MAGIX: variants seen among roughly 807,000 people sequenced by gnomAD.
MAGIX encodes the protein MAGI family member, X-linked, also known as PDZ domain-containing protein MAGIX.
A neutral mutation model predicts 10.0 loss-of-function variants in MAGIX; 13 were observed. The observed-to-expected ratio is 1.30, with a 90% CI of 0.84 to 2.06. The LOEUF (loss-of-function observed/expected upper bound fraction) is 2.06. MAGIX is among the 30% of genes most tolerant of loss of function. The probability of loss-of-function intolerance (pLI) is 0.00; values close to 1 mark genes in which losing one functional copy is unlikely to be tolerated. For missense variants in MAGIX, 235 were observed against 245.2 expected (o/e 0.96, Z 0.28); for synonymous variants, 108 against 106.8 (o/e 1.01, Z -0.07).
rs981000792 is a variant in MAGIX at position 49,166,609 on chromosome X, A to T, written c.*210A>T. 3 of 400,104 alleles carry T rather than the reference A, an allele frequency of 7.5e-6. No homozygotes were observed. The African/African-American group carries it at 7.6e-5, about 10-fold the overall frequency. The allele number at this position is 400,104 out of a possible 1,213,427, so 33.0% of individuals were successfully genotyped here. A position where few individuals can be genotyped will look rare whatever the true frequency, so the allele number is the denominator to read the frequency against. ...CTGCGCTTCTGGTTCTGGGAGGGGG[A>T]GGTAATAAAATGGTTCGATCCGGTC... is the stretch of plus-strand genomic sequence containing the variant. On this transcript the variant is annotated 3_prime_UTR_variant, in exon 5 of 5. Coordinates refer to ENST00000616266, the Ensembl canonical transcript of MAGIX.
chrX:49,165,868 G>C (rs1348960755), intron 4 of MAGIX: 5 of 416,437 alleles, frequency 1.2e-5, no homozygotes, highest in Non-Finnish European at 1.7e-5. Context: ...GATTTCTGAG[G>C]GGCATGTTCT....
At chrX:49,166,997 G>A (rs1294097321) in exon 5 of MAGIX, 1 of 113,445 alleles carries the variant, frequency 8.8e-6, no homozygotes, top group Non-Finnish European at 1.9e-5. Context: ...GGGATAGCAA[G>A]GCTAGAAGCC....
intron 2 of MAGIX, 140 bp from the exon 3 acceptor site, chrX:49,164,567 G>A: frequency 3.6e-6 from 2 of 548,494 alleles, no homozygotes; most frequent in South Asian, 2.6e-5. Flanking sequence ...GGGATGGTGC[G>A]TAAATGGTGG....
At chrX:49,168,669 T>G (rs1440907977), downstream of MAGIX, among the ~76,000 whole-genome samples, 3 of 100,727 alleles carry the variant, frequency 3.0e-5, no homozygotes, top group Non-Finnish European at 6.0e-5. Context: ...CCCAACTACT[T>G]GGGACACTGA....
intron 1 of MAGIX, chrX:49,162,853 G>A (rs1329360525): frequency 2.3e-6 from 2 of 876,674 alleles, no homozygotes; most frequent in Admixed American, 4.0e-5. Flanking sequence ...AAAATTCGTA[G>A]CTGGCAGCCC....
exon 5 of MAGIX, chrX:49,166,544 C>A: frequency 2.1e-6 from 1 of 474,708 alleles, no homozygotes; most frequent in Non-Finnish European, 3.4e-6. Flanking sequence ...ACCACACTCC[C>A]CTCGCAGCGT....
intron 2 of MAGIX, chrX:49,164,457 T>C (rs1249371111): frequency 4.4e-6 from 2 of 450,545 alleles, no homozygotes; most frequent in Non-Finnish European, 7.8e-6. Context: ...TAGGAAGGCC[T>C]GGAAGATTAT....
chrX:49,163,978 T>C (rs2065348339), intron 2 of MAGIX, 49 bp downstream of exon 2: 2 of 979,399 alleles, frequency 2.0e-6, no homozygotes, highest in Admixed American at 5.9e-5. Context: ...CGGAGAGGAG[T>C]TGGGTTCAGT....
exon 3 of MAGIX, chrX:49,164,968 G>A: frequency 8.2e-7 from 1 of 1,212,135 alleles, no homozygotes. Context: ...TGTGGAGCTG[G>A]TTCGCGGTTA....
chrX:49,166,330 G>T (rs782632620), exon 5 of MAGIX: 162 of 1,172,475 alleles, frequency 1.4e-4, no homozygotes, highest in Non-Finnish European at 1.9e-4. Context: ...AACGGCTCTC[G>T]CGGGCCCTAG....
At chrX:49,163,389 G>A (rs1232245207) in intron 1 of MAGIX, 3 of 135,835 alleles carry the variant, frequency 2.2e-5, no homozygotes, top group Non-Finnish European at 1.4e-5. Context: ...CTTAGACGGG[G>A]AATTGGGGGT....
chrX:49,167,476 C>T (rs1557098580), exon 5 of MAGIX: 2 of 113,550 alleles, frequency 1.8e-5, no homozygotes, highest in African/African-American at 6.4e-5. Context: ...AAGCTGTGGT[C>T]TGACGGAATG....
chrX:49,162,913 C>T, intron 1 of MAGIX: 4 of 847,901 alleles, frequency 4.7e-6, no homozygotes, highest in Non-Finnish European at 6.3e-6. Flanking sequence ...CAGGGGACGC[C>T]GCGGACCCTA....
exon 5 of MAGIX, chrX:49,166,191 G>A: frequency 1.7e-6 from 2 of 1,211,287 alleles, no homozygotes; most frequent in Non-Finnish European, 2.2e-6. Context: ...AAGAAGACCC[G>A]GGGCAGCCCG....
intron 1 of MAGIX, chrX:49,162,841 T>C: frequency 1.2e-6 from 1 of 803,717 alleles, no homozygotes; most frequent in Non-Finnish European, 1.7e-6. Flanking sequence ...GCCCCAGAGC[T>C]CAAAATTCGT....
exon 3 of MAGIX, chrX:49,164,725 C>G: frequency 2.5e-6 from 3 of 1,211,737 alleles, no homozygotes; most frequent in Non-Finnish European, 3.4e-6. Context: ...GTGCTGGACT[C>G]TGCGGACATA....
Position 49,165,104 on chromosome X carries a change from C to T in MAGIX, c.330+14C>T. On this transcript the variant is annotated intron_variant, in intron 3 of 4. Coordinates refer to ENST00000616266, the Ensembl canonical transcript of MAGIX. Reference sequence around the variant, plus strand: ...GGTCGTTTGGAGGTGAGCCCTGAAGCCCCTTCCACTGGTAGGTGCTATCCC... The same window carrying T: ...GGTCGTTTGGAGGTGAGCCCTGAAGTCCCTTCCACTGGTAGGTGCTATCCC... 1 of 1,201,335 alleles carries T rather than the reference C, an allele frequency of 8.3e-7. No homozygotes were observed. The highest frequency in any genetic ancestry group is 1.1e-6 in the Non-Finnish European group (1 of 887,505).
rs781955914 is a variant in MAGIX at position 49,164,894 on chromosome X, C to T, written c.134C>T (p.Pro45Leu). 3 of 1,212,092 alleles carry T rather than the reference C, an allele frequency of 2.5e-6. No individual in the cohort carries two copies. The South Asian group carries it at 5.3e-5, about 21-fold the overall frequency. The change falls in exon 3 of 5, where the codon CCC (proline) becomes CTC (leucine). Residue 45 changes from proline to leucine, a missense_variant. Pro to Leu is a moderately conservative substitution (Grantham distance 98). Transcript: ENST00000616266. ...TGGTTAGAGACATGTAACGCACCTC[C>T]CCAATTGATCCAGGGTAAGGCACGT...
chrX:49,164,898 A>T (rs201178315), exon 3 of MAGIX: 8 of 1,210,551 alleles, frequency 6.6e-6, no homozygotes, highest in Admixed American at 2.2e-5. Context: ...CACCTCCCCA[A>T]TTGATCCAGG....
Sources: gnomAD v4.1 joint callset for allele counts (sites outside exome capture counted in the v4.1 genomes callset) on GRCh38, gnomAD v4.1.1 for gene constraint, MANE v1.5 for transcripts, NCBI Gene and HGNC (gene_info 2026-07-23, HGNC 2026-07-21) for gene names.